The following TNIK variants were observed in gnomAD, a reference collection of about 807,000 sequenced individuals.
TNIK encodes the protein TRAF2 and NCK interacting kinase.
TNIK carries 49 observed loss-of-function variants against 191.3 expected under a neutral mutation model. That is an observed-to-expected ratio of 0.26 (90% CI 0.20 to 0.32). The LOEUF (loss-of-function observed/expected upper bound fraction) is 0.32, where lower values mean the gene tolerates loss of function less well. Ranked by LOEUF, TNIK falls within the 10% of genes least tolerant of loss-of-function variation. The probability of loss-of-function intolerance (pLI) is 1.00; values close to 1 mark genes in which losing one functional copy is unlikely to be tolerated. For synonymous variants in TNIK, 594 were observed against 600.9 expected, an observed-to-expected ratio of 0.99 and a Z score of 0.17; for missense variants, 1,155 against 1,702.3, an observed-to-expected ratio of 0.68 and a Z score of 5.66.
At chr3:171,341,810 C>T (rs1757565305) in intron 2 of TNIK, among the ~76,000 whole-genome samples, 1 of 152,154 alleles carries the variant, frequency 6.6e-6, no homozygotes, top group Admixed American at 6.6e-5. Context: ...CATTCCAGCT[C>T]ACCAAGCACT....
chr3:171,181,561 GA>G (rs1370785425), intron 7 of TNIK, among the ~76,000 whole-genome samples: 22 of 152,326 alleles, frequency 1.4e-4, no homozygotes, highest in African/African-American at 5.3e-4. Flanking sequence ...TTTCTCCAAT[GA>G]GACATAAGCA....
At chr3:171,320,859 A>G (rs1755098585) in intron 2 of TNIK, among the ~76,000 whole-genome samples, 1 of 152,224 alleles carries the variant, frequency 6.6e-6, no homozygotes, top group African/African-American at 2.4e-5. Context: ...ATAGTTGGCT[A>G]TTAATAGTCC....
At chr3:171,384,371 T>G (rs1469794008) in intron 1 of TNIK, among the ~76,000 whole-genome samples, 2 of 152,226 alleles carry the variant, frequency 1.3e-5, no homozygotes, top group East Asian at 3.8e-4. Context: ...ATAAACAGCA[T>G]GCTACTCAGA....
At chr3:171,378,609 G>C (rs1717591220) in intron 1 of TNIK, among the ~76,000 whole-genome samples, 1 of 152,046 alleles carries the variant, frequency 6.6e-6, no homozygotes, top group Non-Finnish European at 1.5e-5. Flanking sequence ...TCATGACTGG[G>C]ACATCAGAGA....
intron 1 of TNIK, among the ~76,000 whole-genome samples, chr3:171,449,716 C>G (rs992283310): frequency 6.6e-6 from 1 of 151,580 alleles, no homozygotes; most frequent in Non-Finnish European, 1.5e-5. Context: ...CTGCACTGAC[C>G]ATGCAGAAAC....
At chr3:171,074,022 G>C (rs938041523) in intron 28 of TNIK, among the ~76,000 whole-genome samples, 43 of 105,660 alleles carry the variant, frequency 4.1e-4, no homozygotes, top group African/African-American at 1.5e-3. Flanking sequence ...AATCCCAAAG[G>C]AAAATAACTT....
At position 171,303,966 on chromosome 3, in the gene TNIK, C is replaced by T. The variant is rs573926351; in HGVS notation, c.123+65654G>A. 3.4e-5 allele frequency among the ~76,000 whole-genome samples: 5 copies of T among 145,174 alleles called. No homozygotes were observed. The South Asian group carries it at 8.6e-4, about 25-fold the overall frequency. On this transcript the variant is annotated intron_variant, in intron 2 of 32. Coordinates refer to ENST00000436636, the MANE Select transcript of TNIK (RefSeq NM_015028.4). ...GGATATGTGCAGAGGCGCTGAAGAA[C>T]AAGACAGCCAACATGGATTCACTTC... is the stretch of plus-strand genomic sequence containing the variant.
At chr3:171,324,003 T>A (rs1755466581) in intron 2 of TNIK, among the ~76,000 whole-genome samples, 1 of 152,162 alleles carries the variant, frequency 6.6e-6, no homozygotes, top group South Asian at 2.1e-4. Flanking sequence ...TGCCAATCCC[T>A]ACAGTAGCTC....
In TNIK at chr3:171,061,678, C is replaced by G. The variant is rs2108288849; in HGVS notation, c.*2203G>C. The G allele has an allele frequency of 6.6e-6, 1 of 152,304 alleles. No individual in the cohort carries two copies. The highest frequency in any genetic ancestry group is 2.4e-5 in the African/African-American group (1 of 41,580). The allele number at this position is 152,304 out of a possible 1,614,324, so 9.4% of individuals were successfully genotyped here. A position where few individuals can be genotyped will look rare whatever the true frequency, so the allele number is the denominator to read the frequency against. Reference sequence around the variant, plus strand: ...AAGCTTCTGGTTTAAAATACCACAGCAGCAATATAAAGAGCTGGTGGCAAT... The same window carrying G: ...AAGCTTCTGGTTTAAAATACCACAGGAGCAATATAAAGAGCTGGTGGCAAT... On this transcript the variant is annotated 3_prime_UTR_variant, in exon 33 of 33. Coordinates refer to ENST00000436636, the MANE Select transcript of TNIK (RefSeq NM_015028.4).
chr3:171,299,013 T>A (rs13079345), intron 2 of TNIK, among the ~76,000 whole-genome samples: 9 of 151,946 alleles, frequency 5.9e-5, no homozygotes, highest in South Asian at 2.1e-4. Context: ...GACCGAAGTC[T>A]TGGTGGGATG....
At position 171,101,503 on chromosome 3, in the gene TNIK, C is replaced by G. The variant is rs766065766; in HGVS notation, c.2537G>C (p.Gly846Ala). 1 of 1,613,538 alleles carries G rather than the reference C, an allele frequency of 6.2e-7. No individual in the cohort carries two copies. Among genetic ancestry groups the G allele is most frequent in the East Asian group, 2.2e-5 (1 of 44,882 alleles). ...SESSEEEEED[G>A]ESETHDGTVA... Reference sequence around the variant, plus strand: ...TGTCCCATCATGGGTCTCGCTCTCTCCATCTTCCTCCTCTTCCTCGCTACT... The same window carrying G: ...TGTCCCATCATGGGTCTCGCTCTCTGCATCTTCCTCCTCTTCCTCGCTACT... Residue 846 changes from glycine (G) to alanine (A), a missense_variant, in exon 22 of 33, where the codon GGA becomes GCA. By Grantham distance (60) the Gly-to-Ala change is moderately conservative. Transcript: ENST00000436636.
chr3:171,285,196 G>C (rs566833384), intron 2 of TNIK, among the ~76,000 whole-genome samples: 6 of 152,138 alleles, frequency 3.9e-5, no homozygotes, highest in Admixed American at 1.3e-4. Flanking sequence ...TAAAATTCAA[G>C]CTGATAATTT....
At chr3:171,219,037 T>C (rs1382898275) in intron 3 of TNIK, among the ~76,000 whole-genome samples, 1 of 107,276 alleles carries the variant, frequency 9.3e-6, no homozygotes, top group Non-Finnish European at 1.6e-5. Flanking sequence ...GTATTAATTA[T>C]ATTAAATTAT....
chr3:171,087,192 A>G, intron 24 of TNIK, 150 bp downstream of exon 24: 1 of 1,093,744 alleles, frequency 9.1e-7, no homozygotes, highest in Non-Finnish European at 1.3e-6. Flanking sequence ...TGATTTCTCT[A>G]TTTGAGTATC....
chr3:171,428,593 C>T (rs558855841), intron 1 of TNIK, among the ~76,000 whole-genome samples: 106 of 152,260 alleles, frequency 7.0e-4, no homozygotes, highest in African/African-American at 2.5e-3. Flanking sequence ...AGGGTCTTCA[C>T]TTTCTCAAGG....
chr3:171,437,410 A>C (rs886758011), intron 1 of TNIK, among the ~76,000 whole-genome samples: 5 of 152,240 alleles, frequency 3.3e-5, no homozygotes, highest in Non-Finnish European at 1.5e-5. Flanking sequence ...GTGAGCACTC[A>C]CTAAAGCTAA....
At chr3:171,228,956 A>C (rs777451526) in intron 2 of TNIK, among the ~76,000 whole-genome samples, 1 of 152,152 alleles carries the variant, frequency 6.6e-6, no homozygotes, top group South Asian at 2.1e-4. Flanking sequence ...AGATGGTCAT[A>C]CTCACTACTT....
intron 1 of TNIK, among the ~76,000 whole-genome samples, chr3:171,423,524 A>G (rs1724100121): frequency 6.6e-6 from 1 of 152,126 alleles, no homozygotes; most frequent in Non-Finnish European, 1.5e-5. Flanking sequence ...CGCATTGCCA[A>G]GTCAACCCTA....
intron 2 of TNIK, among the ~76,000 whole-genome samples, chr3:171,267,853 C>T (rs1359367333): frequency 6.6e-6 from 1 of 152,196 alleles, no homozygotes; most frequent in South Asian, 2.1e-4. Flanking sequence ...GTTTACTGAG[C>T]TCCCACCATT....
Sources: gnomAD v4.1 joint callset for allele counts (sites outside exome capture counted in the v4.1 genomes callset) on GRCh38, gnomAD v4.1.1 for gene constraint, MANE v1.5 for transcripts, NCBI Gene and HGNC (gene_info 2026-07-23, HGNC 2026-07-21) for gene names.